Variants in KIF13A observed in about 807,000 individuals in gnomAD.
KIF13A encodes the protein kinesin-like protein KIF13A.
A neutral mutation model predicts 212.2 loss-of-function variants in KIF13A; 79 were observed. The ratio of observed to expected loss-of-function variants is 0.37; its 90% confidence interval spans 0.31 to 0.45. KIF13A has a LOEUF of 0.45. Among genes scored for constraint, KIF13A ranks in the 20% least tolerant of loss-of-function variants. The pLI is 1.00. For synonymous variants in KIF13A, 789 were observed against 808.6 expected, an observed-to-expected ratio of 0.98 and a Z score of 0.41; for missense variants, 1,901 against 2,209.0, an observed-to-expected ratio of 0.86 and a Z score of 2.79.
Position 17,783,299 on chromosome 6 carries a change from T to C in KIF13A, c.3544+347A>G, listed in dbSNP as rs1296322094. Among the ~76,000 whole-genome samples the C allele has an allele frequency of 6.6e-6, 1 of 152,162 alleles. No homozygotes were observed. Among genetic ancestry groups the C allele is most frequent in the Non-Finnish European group, 1.5e-5 (1 of 68,020 alleles). ...TGATCACTTCTGCCATCAAAACTAT[T>C]TGAGGAGAGTTAAGGGCACTAGTCA... On this transcript the variant is annotated intron_variant, in intron 29 of 38. Transcript: ENST00000259711. The surrounding 1 kb of genome is among the most constrained non-coding windows in gnomAD (Gnocchi z 4.3).
chr6:17,790,206 C>T (rs551913885), intron 25 of KIF13A, among the ~76,000 whole-genome samples: 63 of 152,174 alleles, frequency 4.1e-4, no homozygotes, highest in African/African-American at 1.4e-3. Context: ...GTTTGAGACC[C>T]GCCTGGGCAA....
intron 3 of KIF13A, among the ~76,000 whole-genome samples, chr6:17,896,702 T>C (rs1772598882): frequency 6.6e-6 from 1 of 152,342 alleles, no homozygotes; most frequent in East Asian, 1.9e-4. Context: ...CTATATATAC[T>C]CACTAGAAAG....
chr6:17,975,181 T>TA (rs1780223214), intron 2 of KIF13A, among the ~76,000 whole-genome samples: 1 of 151,944 alleles, frequency 6.6e-6, no homozygotes, highest in South Asian at 2.1e-4. Context: ...CTATCTCTAC[T>TA]AAAAATAAAA....
intron 2 of KIF13A, among the ~76,000 whole-genome samples, chr6:17,940,618 A>G (rs1045651333): frequency 6.6e-6 from 1 of 152,160 alleles, no homozygotes; most frequent in African/African-American, 2.4e-5. Flanking sequence ...AGTTTTCAGG[A>G]AGAGACCTCA....
intron 3 of KIF13A, among the ~76,000 whole-genome samples, chr6:17,874,505 G>A (rs769898594): frequency 1.4e-4 from 21 of 151,718 alleles, no homozygotes; most frequent in African/African-American, 4.8e-4. Flanking sequence ...GTGCGATCTC[G>A]GCTCACCGCA....
Position 17,796,693 on chromosome 6 carries a change from G to A in KIF13A, c.2918C>T (p.Ala973Val). The A allele has an allele frequency of 6.3e-7, 1 of 1,577,290 alleles. No individual in the cohort carries two copies. The highest frequency in any genetic ancestry group is 1.8e-5 in the Admixed American group (1 of 55,816). ...SSIWEVDSLHAKTRTLHDRWN... is the reference protein window; with the variant it reads ...SSIWEVDSLHVKTRTLHDRWN... ...CCTGTCATGCAGTGTTCTTGTCTTA[G>A]CATGAAGAGAATCGACCTCCCAGAT... Residue 973 changes from alanine (A) to valine (V), a missense_variant, in exon 23 of 39, where the codon GCT (alanine) becomes GTT (valine). Around this residue, in one of 5 missense-constraint regions of KIF13A, gnomAD observed 534 missense variants for 536.9 expected, o/e 0.99. Coordinates refer to ENST00000259711, the MANE Select transcript of KIF13A (RefSeq NM_022113.6).
At chr6:17,878,693 A>C (rs2150446164) in intron 3 of KIF13A, among the ~76,000 whole-genome samples, 1 of 152,342 alleles carries the variant, frequency 6.6e-6, no homozygotes, top group Admixed American at 6.5e-5. Flanking sequence ...TTGAGGGTCT[A>C]CCTGTCAGTA....
chr6:17,793,120 C>G (rs573579939), intron 25 of KIF13A, among the ~76,000 whole-genome samples: 2 of 152,194 alleles, frequency 1.3e-5, no homozygotes, highest in South Asian at 2.1e-4. Flanking sequence ...TCCTCTGTCA[C>G]CCAGGCTGGA....
intron 25 of KIF13A, among the ~76,000 whole-genome samples, chr6:17,792,241 A>C (rs1761647427): frequency 6.7e-6 from 1 of 149,790 alleles, no homozygotes; most frequent in Non-Finnish European, 1.5e-5. Context: ...GATCCTTGGA[A>C]TGTTCCTCAA....
rs755839052 is a variant in KIF13A at position 17,799,960 on chromosome 6, T to C, written c.2608A>G (p.Thr870Ala). The part of the protein sequence containing the change: ...GEIIHRVKKL[T>A]CRVKIKEATG... Reference sequence around the variant, plus strand: ...CATCACTGTCCTCTCACCCGACATGTCAGCTTTTTGACTCGGTGAATGATT... The same window carrying C: ...CATCACTGTCCTCTCACCCGACATGCCAGCTTTTTGACTCGGTGAATGATT... Residue 870 changes from threonine (T) to alanine (A), a missense_variant, in exon 21 of 39, where the codon ACA (threonine) becomes GCA (alanine). Thr to Ala is a moderately conservative substitution (Grantham distance 58, BLOSUM62 0). This residue lies in a region of KIF13A where 534 missense variants were observed against 536.9 expected (regional missense o/e 0.99). Coordinates refer to ENST00000259711, the MANE Select transcript of KIF13A (RefSeq NM_022113.6). The surrounding 1 kb of genome is among the most constrained non-coding windows in gnomAD (Gnocchi z 4.4). 1 of 1,613,880 alleles carries C rather than the reference T, an allele frequency of 6.2e-7. No homozygotes were observed. The highest frequency in any genetic ancestry group is 8.5e-7 in the Non-Finnish European group (1 of 1,179,810).
rs567144913 is a variant in KIF13A, at chr6:17,809,859, C to T, written c.2001-929G>A. Among the ~76,000 whole-genome samples the T allele has an allele frequency of 5.4e-4, 83 of 152,324 alleles. No homozygotes were observed. The highest frequency in any genetic ancestry group is 3.4e-3 in the Middle Eastern group (1 of 294). On this transcript the variant is annotated intron_variant, in intron 17 of 38. Coordinates refer to ENST00000259711, the MANE Select transcript of KIF13A (RefSeq NM_022113.6). The surrounding 1 kb of genome is among the most constrained non-coding windows in gnomAD (Gnocchi z 4.7). Reference sequence around the variant, plus strand: ...AACTCAAAGCACCTAAATCTCTACTCCTCACTCGTCACCTTAGAAATGACA... The same window carrying T: ...AACTCAAAGCACCTAAATCTCTACTTCTCACTCGTCACCTTAGAAATGACA...
At chr6:17,878,220 T>C (rs1187114783) in intron 3 of KIF13A, among the ~76,000 whole-genome samples, 1 of 152,128 alleles carries the variant, frequency 6.6e-6, no homozygotes, top group Non-Finnish European at 1.5e-5. Context: ...GCAGGTCCTA[T>C]GAAAGCCTGT....
intron 38 of KIF13A, among the ~76,000 whole-genome samples, chr6:17,766,353 C>T (rs932508447): frequency 6.6e-6 from 1 of 151,728 alleles, no homozygotes; most frequent in Non-Finnish European, 1.5e-5. Context: ...AATTCTCCTG[C>T]GTCAGCCTCC....
chr6:17,866,888 C>T (rs114541722), intron 4 of KIF13A, among the ~76,000 whole-genome samples: 8,587 of 140,460 alleles, frequency 0.061, 409 homozygotes, highest in Middle Eastern at 0.12. Flanking sequence ...TACACACACA[C>T]ATATATATAC....
intron 12 of KIF13A, among the ~76,000 whole-genome samples, chr6:17,831,858 A>C (rs1296233147): frequency 6.6e-6 from 1 of 151,596 alleles, no homozygotes; most frequent in Non-Finnish European, 1.5e-5. Flanking sequence ...TATTTATTAG[A>C]GTCTACAATG....
In KIF13A at chr6:17,918,165, G is replaced by A. The variant is rs1380471913; in HGVS notation, c.147-19985C>T. 6.6e-6 allele frequency among the ~76,000 whole-genome samples: 1 copy of A among 151,982 alleles called. No homozygotes were observed. The highest frequency in any genetic ancestry group is 1.5e-5 in the Non-Finnish European group (1 of 68,010). On this transcript the variant is annotated intron_variant, in intron 2 of 38. Coordinates refer to ENST00000259711, the MANE Select transcript of KIF13A (RefSeq NM_022113.6). This position sits in a 1 kb window ranked among gnomAD's most constrained non-coding sequence, Gnocchi z 4.8. ...CACACCAGGCACATGGTAAGCACCT[G>A]GCCTGGCTAGAGACACCCATCTCGT...
Position 17,777,770 on chromosome 6 carries a change from C to T in KIF13A, c.4093-416G>A, listed in dbSNP as rs1481821743. 1.3e-5 allele frequency among the ~76,000 whole-genome samples: 2 copies of T among 152,116 alleles called. No homozygotes were observed. Among genetic ancestry groups the T allele is most frequent in the African/African-American group, 4.8e-5 (2 of 41,414 alleles). ...AGACTGCATCAGTTCTACATACATA[C>T]ACATTTATAAAACTGAAATATTATT... On this transcript the variant is annotated intron_variant, in intron 33 of 38. Transcript: ENST00000259711. This position sits in a 1 kb window ranked among gnomAD's most constrained non-coding sequence, Gnocchi z 4.4.
At position 17,837,587 on chromosome 6, in the gene KIF13A, T is replaced by C. The variant is rs761883515; in HGVS notation, c.831-4A>G. 2 of 1,579,678 alleles carry C rather than the reference T, an allele frequency of 1.3e-6. No individual in the cohort carries two copies. Among genetic ancestry groups the C allele is most frequent in the Middle Eastern group, 1.7e-4 (1 of 6,008 alleles). On this transcript the variant is annotated splice_region_variant and splice_polypyrimidine_tract_variant and intron_variant, in intron 9 of 38. Coordinates refer to ENST00000259711, the MANE Select transcript of KIF13A (RefSeq NM_022113.6). This position sits in a 1 kb window ranked among gnomAD's most constrained non-coding sequence, Gnocchi z 5.4. ...CAACCCCAAGGTTGTAAGCGATCTG[T>C]CAAGAAAAAATGAAAAATTAGTTTT...
At chr6:17,944,836 A>T (rs1470163429) in intron 2 of KIF13A, among the ~76,000 whole-genome samples, 1 of 152,208 alleles carries the variant, frequency 6.6e-6, no homozygotes, top group Non-Finnish European at 1.5e-5. Flanking sequence ...TCATTAGCAA[A>T]CAAAATTACT....
Sources: allele counts gnomAD v4.1 joint callset (sites outside exome capture counted in the v4.1 genomes callset), GRCh38; gene constraint gnomAD v4.1.1; regional missense constraint gnomAD v4.1.1; non-coding constraint Gnocchi (gnomAD v3.1); transcripts MANE v1.5; gene names NCBI Gene and HGNC (gene_info 2026-07-23, HGNC 2026-07-21).